The following KIAA0513 variants were observed in gnomAD, a reference collection of about 807,000 sequenced individuals.
KIAA0513 encodes uncharacterized protein KIAA0513.
A neutral mutation model predicts 56.5 loss-of-function variants in KIAA0513; 39 were observed. That is an observed-to-expected ratio of 0.69 (90% CI 0.53 to 0.90). The LOEUF is 0.90. KIAA0513 is among the 40% of genes least tolerant of loss of function. The probability of loss-of-function intolerance (pLI) is 0.00; values close to 1 mark genes in which losing one functional copy is unlikely to be tolerated. For missense variants in KIAA0513, 591 were observed against 535.2 expected (o/e 1.10, Z -1.03); for synonymous variants, 268 against 215.6 (o/e 1.24, Z -2.13).
At chr16:85,077,978 G>A (rs1033763496) in intron 6 of KIAA0513, among the ~76,000 whole-genome samples, 3 of 152,158 alleles carry the variant, frequency 2.0e-5, no homozygotes, top group African/African-American at 7.2e-5. Context: ...GTCTTGAGTC[G>A]CAGGAGAAAA....
chr16:85,071,758 C>A, intron 2 of KIAA0513, 25 bp from the exon 3 acceptor site: 3 of 1,451,366 alleles, frequency 2.1e-6, no homozygotes, highest in African/African-American at 3.0e-5. Context: ...TTTTTTTTTC[C>A]TCTGCTCTTT....
intron 11 of KIAA0513, 162 bp from the exon 12 acceptor site, chr16:85,086,910 C>G: frequency 1.2e-6 from 1 of 826,464 alleles, no homozygotes; most frequent in Non-Finnish European, 1.9e-6. Flanking sequence ...GGCCACAGTG[C>G]CACAGTGAGA....
intron 3 of KIAA0513, among the ~76,000 whole-genome samples, chr16:85,072,190 G>A (rs560291651): frequency 1.2e-3 from 176 of 152,112 alleles, no homozygotes; most frequent in African/African-American, 3.9e-3. Context: ...CCCCCTCCCC[G>A]CATCTCTAAA....
At chr16:85,065,222 T>G (rs1416589924) in intron 1 of KIAA0513, among the ~76,000 whole-genome samples, 1 of 152,210 alleles carries the variant, frequency 6.6e-6, no homozygotes, top group Admixed American at 6.5e-5. Context: ...TGGAAGGGCC[T>G]TGGGTTTCTG....
chr16:85,075,842 A>G lies in KIAA0513; in HGVS notation c.504-2A>G. ...AGCCATGAGCCTTGCCTCTTGTTTC[A>G]GGTGTCATCAGATGGATGACTTTGG... On this transcript the variant is annotated splice_acceptor_variant, in intron 4 of 12. Transcript: ENST00000683363. LOFTEE classifies it high-confidence loss of function. 2 of 1,613,960 alleles carry G rather than the reference A, an allele frequency of 1.2e-6. No individual in the cohort carries two copies. The highest frequency in any genetic ancestry group is 2.2e-5 in the South Asian group (2 of 91,080).
intron 1 of KIAA0513, 75 bp from the exon 2 acceptor site, chr16:85,066,825 C>T (rs2073488742): frequency 4.6e-6 from 2 of 435,932 alleles, no homozygotes; most frequent in South Asian, 1.1e-4. Context: ...GATTCTCTTT[C>T]TGGGGAGTCT....
intron 10 of KIAA0513, among the ~76,000 whole-genome samples, chr16:85,084,239 C>G (rs1303600083): frequency 7.7e-6 from 1 of 129,380 alleles, no homozygotes; most frequent in African/African-American, 2.9e-5. Context: ...TTTCTCTTTT[C>G]TTTTCTTTTT....
At chr16:85,073,313 G>T (rs1056343280) in intron 4 of KIAA0513, among the ~76,000 whole-genome samples, 3 of 152,172 alleles carry the variant, frequency 2.0e-5, no homozygotes, top group Non-Finnish European at 4.4e-5. Flanking sequence ...CGGGAGATCT[G>T]GTACTTTCCC....
At chr16:85,063,981 C>T (rs2073442790) in intron 1 of KIAA0513, among the ~76,000 whole-genome samples, 1 of 148,716 alleles carries the variant, frequency 6.7e-6, no homozygotes. Flanking sequence ...ATGTATTTAC[C>T]ATTTTACTAT....
chr16:85,035,470 C>T (rs2073022676), intron 1 of KIAA0513, among the ~76,000 whole-genome samples: 5 of 152,116 alleles, frequency 3.3e-5, no homozygotes, highest in South Asian at 2.1e-4. Context: ...ACTTTGCTTA[C>T]GCTGTTTGTT....
At position 85,079,191 on chromosome 16, in the gene KIAA0513, G is replaced by T. The variant is rs2073705817; in HGVS notation, c.902+188G>T. ...GATGTGGAGAAACTGGAGCTCTCCT[G>T]TATGGCTAGGAGCAATGTAAATGAG... On this transcript the variant is annotated intron_variant, in intron 8 of 12. Coordinates refer to ENST00000683363, the MANE Select transcript of KIAA0513 (RefSeq NM_001388359.1). 3 of 1,257,772 alleles carry T rather than the reference G, an allele frequency of 2.4e-6. No individual in the cohort carries two copies. In the African/African-American group the frequency reaches 4.5e-5, roughly 19 times the overall value. The allele number at this position is 1,257,772 out of a possible 1,614,324, so 77.9% of individuals were successfully genotyped here.
chr16:85,047,280 C>T (rs763511437), intron 1 of KIAA0513, among the ~76,000 whole-genome samples: 32 of 152,210 alleles, frequency 2.1e-4, no homozygotes, highest in Non-Finnish European at 3.4e-4. Context: ...GCTCTGTTTA[C>T]ATATGCCTCG....
In KIAA0513 at chr16:85,076,463, C is replaced by T. The variant is rs557982030; in HGVS notation, c.574+549C>T. On this transcript the variant is annotated intron_variant, in intron 5 of 12. Coordinates refer to ENST00000683363, the MANE Select transcript of KIAA0513 (RefSeq NM_001388359.1). This position sits in a 1 kb window ranked among gnomAD's most constrained non-coding sequence, Gnocchi z 4.7. ...TCGTATGTTGGAGCTCAAGGGCTTC[C>T]TGCGTGAGTCTCCTTGGGCTGCAGC... 3.9e-5 allele frequency among the ~76,000 whole-genome samples: 6 copies of T among 152,268 alleles called. No homozygotes were observed. Among genetic ancestry groups the T allele is most frequent in the Admixed American group, 3.9e-4 (6 of 15,304 alleles).
At chr16:85,077,123 C>T (rs1456342277) in intron 5 of KIAA0513, among the ~76,000 whole-genome samples, 5 of 152,196 alleles carry the variant, frequency 3.3e-5, no homozygotes, top group Admixed American at 1.3e-4. Flanking sequence ...CCTCTGCCCT[C>T]GCCTGCCTGC....
rs1185095145 is a variant in KIAA0513, at chr16:85,091,044, C to T, written c.*2719C>T. 1.3e-5 allele frequency: 2 copies of T among 152,196 alleles called. No homozygotes were observed. The highest frequency in any genetic ancestry group is 2.1e-4 in the South Asian group (1 of 4,820). 9.4% of individuals were successfully genotyped at this position (152,196 alleles called of 1,614,324 possible). A position where few individuals can be genotyped will look rare whatever the true frequency, so the allele number is the denominator to read the frequency against. On this transcript the variant is annotated 3_prime_UTR_variant, in exon 13 of 13. Transcript: ENST00000683363. ...TGTAGGAGAGCTCTGGTGGCCCCTC[C>T]GTAAACTCAGGAAGTGTCAGGTGAT...
intron 1 of KIAA0513, among the ~76,000 whole-genome samples, chr16:85,062,122 C>A (rs368636401): frequency 1.2e-4 from 19 of 152,262 alleles, no homozygotes; most frequent in African/African-American, 4.6e-4. Context: ...CAGATCGTCT[C>A]TGTAGCACTT....
In KIAA0513 at chr16:85,087,331, T is replaced by G. The variant is rs572344274; in HGVS notation, c.1186+165T>G. Among the ~76,000 whole-genome samples the G allele has an allele frequency of 2.2e-4, 33 of 152,298 alleles. No homozygotes were observed. In the South Asian group the frequency reaches 6.8e-3, roughly 32 times the overall value. The stretch of plus-strand genomic sequence containing the variant: ...GCCCCTCCTTTCTCCCCAGTCTGTA[T>G]AGACAGACGCACAGGACACCTCTCG... On this transcript the variant is annotated intron_variant, in intron 12 of 12. Transcript: ENST00000683363.
At position 85,088,128 on chromosome 16, in the gene KIAA0513, G is replaced by A. The variant is rs565445105; in HGVS notation, c.1187-148G>A. The A allele has an allele frequency of 8.9e-5, 63 of 708,296 alleles. 1 individual carries two copies. The highest frequency in any genetic ancestry group is 5.2e-4 in the African/African-American group (30 of 57,736). The allele number at this position is 708,296 out of a possible 1,614,324, so 43.9% of individuals were successfully genotyped here. A position where few individuals can be genotyped will look rare whatever the true frequency, so the allele number is the denominator to read the frequency against. On this transcript the variant is annotated intron_variant, in intron 12 of 12. Coordinates refer to ENST00000683363, the MANE Select transcript of KIAA0513 (RefSeq NM_001388359.1). Reference sequence around the variant, plus strand: ...AGCCCTGCCCTGAAGCACGCAAGCCGTGTGGCCTGCAGAAGGCAGTGTGGT... The same window carrying A: ...AGCCCTGCCCTGAAGCACGCAAGCCATGTGGCCTGCAGAAGGCAGTGTGGT...
At position 85,089,169 on chromosome 16, in the gene KIAA0513, A is replaced by T. The variant is rs1438654880; in HGVS notation, c.*844A>T. On this transcript the variant is annotated 3_prime_UTR_variant, in exon 13 of 13. Coordinates refer to ENST00000683363, the MANE Select transcript of KIAA0513 (RefSeq NM_001388359.1). This position sits in a 1 kb window ranked among gnomAD's most constrained non-coding sequence, Gnocchi z 4.2. ...CGTTGTGCTGTGTGTCCCTCGCAAGAAGCACAGGAAAGAGAAGTTTCTTTA... is the reference window on the plus strand; with the variant it reads ...CGTTGTGCTGTGTGTCCCTCGCAAGTAGCACAGGAAAGAGAAGTTTCTTTA... The T allele has an allele frequency of 6.6e-6, 1 of 152,252 alleles. No homozygotes were observed. Among genetic ancestry groups the T allele is most frequent in the Non-Finnish European group, 1.5e-5 (1 of 68,054 alleles). The allele number at this position is 152,252 out of a possible 1,614,324, so 9.4% of individuals were successfully genotyped here. A position where few individuals can be genotyped will look rare whatever the true frequency, so the allele number is the denominator to read the frequency against.
Sources: allele counts gnomAD v4.1 joint callset (sites outside exome capture counted in the v4.1 genomes callset), GRCh38; gene constraint gnomAD v4.1.1; non-coding constraint Gnocchi (gnomAD v3.1); transcripts MANE v1.5; gene names NCBI Gene and HGNC (gene_info 2026-07-23, HGNC 2026-07-21).